Variants in VTI1A observed in about 807,000 individuals in gnomAD.
VTI1A encodes the protein vesicle transport through interaction with t-SNAREs 1A.
In VTI1A, 22 loss-of-function variants were observed where a neutral mutation model predicts 34.9. That is an observed-to-expected ratio of 0.63 (90% CI 0.45 to 0.90). The LOEUF is 0.90. Among genes scored for constraint, VTI1A ranks in the 40% least tolerant of loss-of-function variants. The pLI is 0.00. For missense variants in VTI1A, 268 were observed against 275.6 expected, an observed-to-expected ratio of 0.97 and a Z score of 0.20; for synonymous variants, 87 against 97.3, an observed-to-expected ratio of 0.89 and a Z score of 0.62.
At chr10:112,568,898 T>C (rs768866767) in intron 5 of VTI1A, among the ~76,000 whole-genome samples, 13 of 152,132 alleles carry the variant, frequency 8.5e-5, no homozygotes, top group African/African-American at 1.7e-4. Flanking sequence ...CTAATGCCTA[T>C]GATCCCAACA....
At position 112,474,116 on chromosome 10, in the gene VTI1A, C is replaced by T. The variant is rs2134079301; in HGVS notation, c.264+9459C>T. On this transcript the variant is annotated intron_variant, in intron 3 of 7. Coordinates refer to ENST00000393077, the MANE Select transcript of VTI1A (RefSeq NM_145206.4). ...TCGCTCTGTCGCCTAGGGTGGAGTG[C>T]AGTGGTGTGATCTCAGCTCACTGCA... 5.3e-5 allele frequency among the ~76,000 whole-genome samples: 8 copies of T among 151,930 alleles called. 1 individual carries two copies. In the South Asian group the frequency reaches 1.7e-3, roughly 32 times the overall value.
At chr10:112,463,495 G>A (rs573749259) in intron 2 of VTI1A, among the ~76,000 whole-genome samples, 7 of 152,258 alleles carry the variant, frequency 4.6e-5, no homozygotes, top group African/African-American at 1.2e-4. Flanking sequence ...GGACTAATAA[G>A]TAGTAGAGCC....
intron 3 of VTI1A, among the ~76,000 whole-genome samples, chr10:112,488,278 A>G (rs1848709465): frequency 6.6e-6 from 1 of 152,236 alleles, no homozygotes; most frequent in South Asian, 2.1e-4. Context: ...ATGTAAGAGC[A>G]TATAAATTCT....
chr10:112,846,403 A>G, the VTI1A span, among the ~76,000 whole-genome samples: 1 of 152,226 alleles, frequency 6.6e-6, no homozygotes, highest in South Asian at 2.1e-4. Flanking sequence ...GGCCAATAAA[A>G]CTTTCCGTGA....
intron 5 of VTI1A, among the ~76,000 whole-genome samples, chr10:112,632,665 G>T (rs1846178834): frequency 6.6e-6 from 1 of 152,144 alleles, no homozygotes; most frequent in African/African-American, 2.4e-5. Flanking sequence ...TAGTGTACCG[G>T]CCAGAAATAG....
chr10:112,621,234 C>A (rs1007401470), intron 5 of VTI1A, among the ~76,000 whole-genome samples: 8 of 152,210 alleles, frequency 5.3e-5, no homozygotes, highest in African/African-American at 1.9e-4. Flanking sequence ...GGCCAAGTGT[C>A]TGTGTGCAAG....
chr10:112,745,901 G>A (rs1324633126), intron 7 of VTI1A, among the ~76,000 whole-genome samples: 1 of 152,210 alleles, frequency 6.6e-6, no homozygotes, highest in Non-Finnish European at 1.5e-5. Flanking sequence ...TACTCAGGTA[G>A]CAAGAGACAG....
chr10:112,473,823 C>A (rs1488984924), intron 3 of VTI1A, among the ~76,000 whole-genome samples: 1 of 152,092 alleles, frequency 6.6e-6, no homozygotes, highest in Non-Finnish European at 1.5e-5. Flanking sequence ...AATCCACAAA[C>A]AATTATATAA....
chr10:112,482,211 G>A (rs1247461471), intron 3 of VTI1A, among the ~76,000 whole-genome samples: 3 of 152,034 alleles, frequency 2.0e-5, no homozygotes, highest in Non-Finnish European at 4.4e-5. Context: ...ATAATATATT[G>A]ATGAAAGAGT....
the VTI1A span, among the ~76,000 whole-genome samples, chr10:112,839,155 G>A: frequency 6.6e-6 from 1 of 152,208 alleles, no homozygotes; most frequent in African/African-American, 2.4e-5. Context: ...GGATGGAGTC[G>A]AAACTCACTC....
intron 7 of VTI1A, among the ~76,000 whole-genome samples, chr10:112,805,647 G>C (rs1257966024): frequency 6.6e-6 from 1 of 152,146 alleles, no homozygotes; most frequent in Non-Finnish European, 1.5e-5. Flanking sequence ...AATGTGACCG[G>C]TGTCCTTATT....
intron 7 of VTI1A, among the ~76,000 whole-genome samples, chr10:112,709,682 C>CTTTT (rs57081938): frequency 4.3e-5 from 3 of 70,258 alleles, no homozygotes; most frequent in African/African-American, 6.5e-5. Flanking sequence ...CTCTATGTGG[C>CTTTT]TTTTTTTTTT....
At chr10:112,628,035 C>CA (rs1369240576) in intron 5 of VTI1A, among the ~76,000 whole-genome samples, 2 of 152,086 alleles carry the variant, frequency 1.3e-5, no homozygotes, top group African/African-American at 4.8e-5. Context: ...ACTACGTATG[C>CA]AAAACCACAC....
chr10:112,819,632 G>A (rs1353929444), downstream of VTI1A, among the ~76,000 whole-genome samples: 9 of 152,308 alleles, frequency 5.9e-5, no homozygotes, highest in South Asian at 8.3e-4. Flanking sequence ...ACTTTGCTGA[G>A]ATGGGCCTTC....
chr10:112,547,639 T>C (rs533248057), intron 5 of VTI1A, among the ~76,000 whole-genome samples: 2 of 152,264 alleles, frequency 1.3e-5, no homozygotes, highest in South Asian at 4.1e-4. Flanking sequence ...ATTATAGGAA[T>C]ATACTTCCAC....
At chr10:112,598,311 A>G (rs1008572717) in intron 5 of VTI1A, among the ~76,000 whole-genome samples, 3 of 152,158 alleles carry the variant, frequency 2.0e-5, no homozygotes, top group Non-Finnish European at 4.4e-5. Flanking sequence ...CAGGTAGTTT[A>G]TGTACCATTT....
At chr10:112,705,948 C>G (rs531010666) in intron 7 of VTI1A, among the ~76,000 whole-genome samples, 1 of 152,000 alleles carries the variant, frequency 6.6e-6, no homozygotes, top group African/African-American at 2.4e-5. Context: ...ATTCTTTTGT[C>G]GTTGTTGTTT....
At chr10:112,517,972 T>C (rs1243405817) in intron 3 of VTI1A, among the ~76,000 whole-genome samples, 1 of 152,088 alleles carries the variant, frequency 6.6e-6, no homozygotes, top group African/African-American at 2.4e-5. Context: ...ATTTATTAAT[T>C]GTGACAAACT....
intron 5 of VTI1A, among the ~76,000 whole-genome samples, chr10:112,550,071 GT>G (rs2134292660): frequency 6.6e-6 from 1 of 152,168 alleles, no homozygotes; most frequent in African/African-American, 2.4e-5. Flanking sequence ...TTTTTAATCT[GT>G]TAAAAAGTGT....
Sources: allele counts gnomAD v4.1 joint callset (sites outside exome capture counted in the v4.1 genomes callset), GRCh38; gene constraint gnomAD v4.1.1; transcripts MANE v1.5; gene names NCBI Gene and HGNC (gene_info 2026-07-23, HGNC 2026-07-21).